MAPK8: variants seen among roughly 807,000 people sequenced by gnomAD.
MAPK8 encodes the protein JUN N-terminal kinase.
A neutral mutation model predicts 52.9 loss-of-function variants in MAPK8; 13 were observed. The observed-to-expected ratio is 0.25, with a 90% CI of 0.16 to 0.39. MAPK8 has a LOEUF of 0.39. Ranked by LOEUF, MAPK8 falls within the 10% of genes least tolerant of loss-of-function variation. The pLI, the probability that MAPK8 is intolerant of heterozygous loss-of-function variation, is 1.00. For missense variants in MAPK8, 300 were observed against 519.2 expected (o/e 0.58, Z 4.10); for synonymous variants, 191 against 169.8 (o/e 1.12, Z -0.97).
intron 5 of MAPK8, among the ~76,000 whole-genome samples, chr10:48,410,863 A>G (rs2042709924): frequency 6.6e-6 from 1 of 152,118 alleles, no homozygotes; most frequent in South Asian, 2.1e-4. Context: ...TTTACTTTGC[A>G]TCTCCCTAAC....
chr10:48,422,409 A>G (rs1188971274), intron 6 of MAPK8, among the ~76,000 whole-genome samples: 1 of 152,174 alleles, frequency 6.6e-6, no homozygotes, highest in Non-Finnish European at 1.5e-5. Context: ...AAGCAGTGTA[A>G]TCAATATATT....
intron 1 of MAPK8, among the ~76,000 whole-genome samples, chr10:48,372,155 C>A (rs539682763): frequency 6.6e-6 from 1 of 152,072 alleles, no homozygotes; most frequent in Non-Finnish European, 1.5e-5. Context: ...TCTCCCCTTC[C>A]TAGAGGTTGG....
At chr10:48,403,917 T>TTGTGTGTGTG (rs71465463) in intron 2 of MAPK8, among the ~76,000 whole-genome samples, 3,230 of 125,692 alleles carry the variant, frequency 0.026, 70 homozygotes, top group Middle Eastern at 0.049. Flanking sequence ...CCCGGCTAAT[T>TTGTGTGTGTG]TGTGTGTGTG....
chr10:48,424,026 G>C, intron 6 of MAPK8, 62 bp from the exon 7 acceptor site: 1 of 1,319,356 alleles, frequency 7.6e-7, no homozygotes, highest in South Asian at 1.3e-5. Flanking sequence ...GTCATATTAT[G>C]CTTCTTTGAT....
intron 3 of MAPK8, 97 bp downstream of exon 3, chr10:48,405,078 G>C: frequency 1.7e-6 from 1 of 573,422 alleles, no homozygotes; most frequent in South Asian, 3.0e-5. Flanking sequence ...GCTTTAAATT[G>C]TTCTGTATTA....
intron 1 of MAPK8, among the ~76,000 whole-genome samples, chr10:48,374,907 A>T (rs888945617): frequency 8.5e-5 from 13 of 152,222 alleles, no homozygotes; most frequent in Admixed American, 2.0e-4. Context: ...AATCATCCTG[A>T]TACCAAAACC....
At chr10:48,310,933 G>C (rs775437902) in intron 1 of MAPK8, among the ~76,000 whole-genome samples, 2 of 152,092 alleles carry the variant, frequency 1.3e-5, no homozygotes, top group Non-Finnish European at 2.9e-5. Flanking sequence ...TCTTTAGAAA[G>C]TCAAGGAACT....
chr10:48,330,610 C>T (rs1379003108), intron 1 of MAPK8, among the ~76,000 whole-genome samples: 1 of 152,184 alleles, frequency 6.6e-6, no homozygotes, highest in African/African-American at 2.4e-5. Context: ...GTGAGACTTT[C>T]AATGGCAGTC....
chr10:48,426,350 A>G (rs1178152960), intron 8 of MAPK8, 30 bp from the exon 9 acceptor site: 3 of 1,565,238 alleles, frequency 1.9e-6, no homozygotes, highest in East Asian at 2.3e-5. Context: ...CTTTACAAAT[A>G]TATGTACATT....
intron 1 of MAPK8, among the ~76,000 whole-genome samples, chr10:48,332,807 T>A (rs111990392): frequency 0.058 from 8,829 of 152,322 alleles, 609 homozygotes; most frequent in Admixed American, 0.21. Flanking sequence ...TAGGCCCCAC[T>A]CTGTCCAGAT....
At chr10:48,424,630 T>C (rs1473176452) in intron 7 of MAPK8, 1 of 1,297,714 alleles carries the variant, frequency 7.7e-7, no homozygotes, top group Non-Finnish European at 1.1e-6. Context: ...AAGGTCAAAA[T>C]GTATGATAGC....
At chr10:48,378,413 T>G (rs2040798161) in intron 1 of MAPK8, among the ~76,000 whole-genome samples, 2 of 73,500 alleles carry the variant, frequency 2.7e-5, no homozygotes, top group African/African-American at 7.1e-5. Context: ...CAATGAGAGA[T>G]ACATAACAGT....
chr10:48,352,046 T>C (rs902412670), intron 1 of MAPK8, among the ~76,000 whole-genome samples: 2 of 152,186 alleles, frequency 1.3e-5, no homozygotes, highest in African/African-American at 4.8e-5. Context: ...TTGACAACTT[T>C]GATGAAATAA....
At chr10:48,421,439 T>C (rs1040739724) in intron 6 of MAPK8, among the ~76,000 whole-genome samples, 9 of 152,218 alleles carry the variant, frequency 5.9e-5, no homozygotes, top group Non-Finnish European at 1.3e-4. Flanking sequence ...TATGGTGTTA[T>C]GTGTCAGTGT....
At chr10:48,420,894 A>G (rs927190740) in intron 6 of MAPK8, among the ~76,000 whole-genome samples, 2 of 152,232 alleles carry the variant, frequency 1.3e-5, no homozygotes, top group African/African-American at 2.4e-5. Context: ...AGTTGTATCA[A>G]TCAACCTAAG....
At chr10:48,310,094 A>C (rs941909439) in intron 1 of MAPK8, among the ~76,000 whole-genome samples, 10 of 152,226 alleles carry the variant, frequency 6.6e-5, no homozygotes, top group African/African-American at 2.4e-4. Flanking sequence ...CCTGTCATTC[A>C]GGTCAATAGG....
At chr10:48,345,042 A>G (rs536371818) in intron 1 of MAPK8, among the ~76,000 whole-genome samples, 6 of 152,378 alleles carry the variant, frequency 3.9e-5, no homozygotes, top group African/African-American at 1.2e-4. Flanking sequence ...TGCAATTTCA[A>G]AAGAAACCAA....
At chr10:48,308,673 A>G (rs1841644764) in intron 1 of MAPK8, among the ~76,000 whole-genome samples, 1 of 152,182 alleles carries the variant, frequency 6.6e-6, no homozygotes, top group Non-Finnish European at 1.5e-5. Context: ...TGCATTTATA[A>G]TTTTGTGAAT....
At chr10:48,426,721 T>G (rs1165596863) in intron 9 of MAPK8, 6 of 526,176 alleles carry the variant, frequency 1.1e-5, no homozygotes, top group Non-Finnish European at 2.0e-5. Context: ...TTTTGCAATC[T>G]TGCCTGGATA....
Sources: gnomAD v4.1 joint callset for allele counts (sites outside exome capture counted in the v4.1 genomes callset) on GRCh38, gnomAD v4.1.1 for gene constraint, MANE v1.5 for transcripts, NCBI Gene and HGNC (gene_info 2026-07-23, HGNC 2026-07-21) for gene names.